SYNDIG1L: variants seen among roughly 807,000 people sequenced by gnomAD.
SYNDIG1L encodes the protein synapse differentiation-inducing gene protein 1-like.
Under a neutral mutation model 20.1 loss-of-function variants are expected in SYNDIG1L, and 13 were observed. The observed-to-expected ratio is 0.65, with a 90% CI of 0.42 to 1.03. The LOEUF (loss-of-function observed/expected upper bound fraction) is 1.03. Among genes scored for constraint, SYNDIG1L ranks in the 50% least tolerant of loss-of-function variants. SYNDIG1L has a pLI of 0.00. For missense variants in SYNDIG1L, 294 were observed against 305.1 expected, an observed-to-expected ratio of 0.96 and a Z score of 0.27; for synonymous variants, 128 against 129.3, an observed-to-expected ratio of 0.99 and a Z score of 0.07.
At chr14:74,414,090 G>A (rs17100036) in intron 1 of SYNDIG1L, among the ~76,000 whole-genome samples, 3,107 of 152,318 alleles carry the variant, frequency 0.02, 104 homozygotes, top group African/African-American at 0.071. Flanking sequence ...ACTGGAGTAA[G>A]GGACCGGCAC....
At chr14:74,477,750 A>G in the SYNDIG1L span, among the ~76,000 whole-genome samples, 1 of 152,182 alleles carries the variant, frequency 6.6e-6, no homozygotes, top group Non-Finnish European at 1.5e-5. Context: ...AACAATTAGA[A>G]TCTGGGATTT....
chr14:74,463,850 G>A, the SYNDIG1L span, among the ~76,000 whole-genome samples: 15 of 152,304 alleles, frequency 9.8e-5, no homozygotes, highest in East Asian at 1.9e-4. Context: ...CTAGAGCAAC[G>A]TGCAACCTGA....
the SYNDIG1L span, among the ~76,000 whole-genome samples, chr14:74,435,546 T>C: frequency 4.6e-5 from 7 of 152,190 alleles, no homozygotes; most frequent in Non-Finnish European, 7.3e-5. Context: ...TAGCTTCTGA[T>C]AGTAGTGATG....
In SYNDIG1L at chr14:74,407,458, T is replaced by C; in HGVS notation, c.*77A>G. On this transcript the variant is annotated 3_prime_UTR_variant, in exon 4 of 4. Transcript: ENST00000331628. ...GGATCATCTTCAGGGGCCGGGCCTT[T>C]CCATAGGGTCTGCAACTCCAAGCCC... is the stretch of plus-strand genomic sequence containing the variant. 3.8e-6 allele frequency: 6 copies of C among 1,592,882 alleles called. No individual in the cohort carries two copies. The Middle Eastern group carries it at 9.0e-4, about 238-fold the overall frequency.
At chr14:74,439,616 C>T in the SYNDIG1L span, among the ~76,000 whole-genome samples, 533 of 152,324 alleles carry the variant, frequency 3.5e-3, 5 homozygotes, top group African/African-American at 0.012. Context: ...CGCAGTGGCT[C>T]ATGCCTATAA....
Position 74,426,208 on chromosome 14 carries a change from C to T in SYNDIG1L, c.-354G>A, listed in dbSNP as rs1346503408. On this transcript the variant is annotated 5_prime_UTR_variant, in exon 1 of 4. Coordinates refer to ENST00000331628, the MANE Select transcript of SYNDIG1L (RefSeq NM_001105579.2). ...CCGGCCCGAGGCGGCTCCGCGCCGACTTGGGAGAGCAGCGAGGAGGGTCCC... is the reference window on the plus strand; with the variant it reads ...CCGGCCCGAGGCGGCTCCGCGCCGATTTGGGAGAGCAGCGAGGAGGGTCCC... 6.6e-6 allele frequency: 1 copy of T among 152,014 alleles called. No homozygotes were observed. Among genetic ancestry groups the T allele is most frequent in the Non-Finnish European group, 1.5e-5 (1 of 67,896 alleles). 9.4% of individuals were successfully genotyped at this position (152,014 alleles called of 1,614,324 possible).
the SYNDIG1L span, chr14:74,472,132 CAG>C: frequency 6.6e-6 from 1 of 152,196 alleles, no homozygotes; most frequent in African/African-American, 2.4e-5. Flanking sequence ...CCCTGAGAAT[CAG>C]AGTTATAGAT....
At chr14:74,450,708 G>A in the SYNDIG1L span, among the ~76,000 whole-genome samples, 7 of 152,066 alleles carry the variant, frequency 4.6e-5, no homozygotes, top group South Asian at 2.1e-4. Context: ...ATAAGCCATC[G>A]TTTGGGAGAA....
chr14:74,434,212 G>A, the SYNDIG1L span, among the ~76,000 whole-genome samples: 1 of 152,118 alleles, frequency 6.6e-6, no homozygotes, highest in Admixed American at 6.5e-5. Context: ...TCTGCAATAT[G>A]CATGCACTAC....
the SYNDIG1L span, among the ~76,000 whole-genome samples, chr14:74,468,614 G>A: frequency 6.6e-6 from 1 of 152,036 alleles, no homozygotes; most frequent in South Asian, 2.1e-4. Flanking sequence ...ACACTGCAGT[G>A]GGATCACGAT....
At chr14:74,439,183 G>A in the SYNDIG1L span, among the ~76,000 whole-genome samples, 3 of 144,162 alleles carry the variant, frequency 2.1e-5, no homozygotes, top group African/African-American at 5.0e-5. Flanking sequence ...AGACTCCTCC[G>A]CCTGGGCTGG....
rs573486043 is a variant in SYNDIG1L, at chr14:74,422,555, G to A, written c.-58+3357C>T. 4.6e-5 allele frequency among the ~76,000 whole-genome samples: 7 copies of A among 152,042 alleles called. No homozygotes were observed. The East Asian group carries it at 1.4e-3, about 29-fold the overall frequency. On this transcript the variant is annotated intron_variant, in intron 1 of 3. Transcript: ENST00000331628. ...TGGACTTGAAGGTAACCAGTGATGT[G>A]CAGATATCTCTGGATATTCTCTGCT... is the stretch of plus-strand genomic sequence containing the variant.
chr14:74,476,545 C>T, the SYNDIG1L span: 1 of 1,535,714 alleles, frequency 6.5e-7, no homozygotes. Flanking sequence ...AACACCTGTG[C>T]TCTGTGGCTA....
the SYNDIG1L span, among the ~76,000 whole-genome samples, chr14:74,464,911 CAG>C: frequency 6.6e-6 from 1 of 152,204 alleles, no homozygotes; most frequent in Non-Finnish European, 1.5e-5. Context: ...CATGGCAAAG[CAG>C]CATGTGGCAG....
the SYNDIG1L span, among the ~76,000 whole-genome samples, chr14:74,459,808 G>A: frequency 3.9e-5 from 6 of 152,186 alleles, no homozygotes; most frequent in African/African-American, 9.7e-5. Context: ...CAGCCTGTGC[G>A]TGTGGTCCAG....
At chr14:74,420,064 A>G (rs1388429490) in intron 1 of SYNDIG1L, among the ~76,000 whole-genome samples, 1 of 152,034 alleles carries the variant, frequency 6.6e-6, no homozygotes, top group African/African-American at 2.4e-5. Context: ...GGTGGGTGAG[A>G]ATGGAGGCTA....
Position 74,409,489 on chromosome 14 carries a change from T to C in SYNDIG1L, c.256A>G (p.Ser86Gly), listed in dbSNP as rs1010283689. Residue 86 changes from serine to glycine, a missense_variant, in exon 2 of 4, where the codon AGC becomes GGC. By Grantham distance (56) the Ser-to-Gly change is moderately conservative. Coordinates refer to ENST00000331628, the MANE Select transcript of SYNDIG1L (RefSeq NM_001105579.2). ...RDKVKEPRAGSCETSFTEDRE... is the reference protein window; with the variant it reads ...RDKVKEPRAGGCETSFTEDRE... ...TCCTCTGTGAAGCTTGTCTCACAGC[T>C]GCCTGCCCTGGGCTCCTTGACCTTG... 1 of 1,612,972 alleles carries C rather than the reference T, an allele frequency of 6.2e-7. No individual in the cohort carries two copies. Among genetic ancestry groups the C allele is most frequent in the African/African-American group, 1.3e-5 (1 of 74,996 alleles).
Position 74,407,652 on chromosome 14 carries a change from G to A in SYNDIG1L, c.600C>T (p.Ser200=). ...AISKGDFRLA[S]TTSRRALFLA... ...GGAAGAGGGCCCGGCGGGAGGTGGT[G>A]CTGGCCAGGCGGAAGTCCCCTTTGG... Residue 200 remains serine (S), a synonymous_variant, in exon 4 of 4, where the codon AGC becomes AGT. Coordinates refer to ENST00000331628, the MANE Select transcript of SYNDIG1L (RefSeq NM_001105579.2). The A allele has an allele frequency of 6.2e-7, 1 of 1,613,086 alleles. No homozygotes were observed. Among genetic ancestry groups the A allele is most frequent in the Admixed American group, 1.7e-5 (1 of 59,918 alleles).
chr14:74,420,055 G>A (rs1461480887), intron 1 of SYNDIG1L, among the ~76,000 whole-genome samples: 2 of 152,094 alleles, frequency 1.3e-5, no homozygotes, highest in African/African-American at 4.8e-5. Flanking sequence ...AGGATTTAAG[G>A]TGGGTGAGAA....
Sources: allele counts gnomAD v4.1 joint callset (sites outside exome capture counted in the v4.1 genomes callset), GRCh38; gene constraint gnomAD v4.1.1; transcripts MANE v1.5; gene names NCBI Gene and HGNC (gene_info 2026-07-23, HGNC 2026-07-21).